Variants in TMEM94 observed in about 807,000 individuals in gnomAD.
TMEM94 encodes the protein ER Mg2+ ATPase.
TMEM94 carries 81 observed loss-of-function variants against 158.6 expected under a neutral mutation model. The observed-to-expected ratio is 0.51, with a 90% CI of 0.43 to 0.61. TMEM94 has a LOEUF of 0.61. Among genes scored for constraint, TMEM94 ranks in the 20% least tolerant of loss-of-function variants. TMEM94 has a pLI of 0.00. For synonymous variants in TMEM94, 751 were observed against 730.7 expected (o/e 1.03, Z -0.45); for missense variants, 1,435 against 1,762.0 (o/e 0.81, Z 3.32).
At chr17:75,497,885 G>A (rs551607835) in intron 27 of TMEM94, 23 bp downstream of exon 27, 2 of 1,599,386 alleles carry the variant, frequency 1.3e-6, no homozygotes, top group African/African-American at 1.3e-5. Flanking sequence ...GACCCTGTGA[G>A]CCTTGCAAGT....
Position 75,493,017 on chromosome 17 carries a change from A to G in TMEM94, c.2001A>G (p.Thr667=), listed in dbSNP as rs919705531. Residue 667 remains threonine (T), a synonymous_variant, in exon 16 of 32, where the codon ACA becomes ACG. Transcript: ENST00000314256. ...RLPSAETMKE[T]SLGRLSCVTK... ...CCAGTGCCGAGACAATGAAGGAGAC[A>G]TCGCTGGGGCGGCTCTCCTGTGTCA... 6.2e-7 allele frequency: 1 copy of G among 1,613,660 alleles called. No individual in the cohort carries two copies. The highest frequency in any genetic ancestry group is 1.7e-5 in the Admixed American group (1 of 60,008).
chr17:75,493,498 G>A lies in TMEM94; in HGVS notation c.2094G>A (p.Glu698=), dbSNP rs2052402911. 2 of 1,613,774 alleles carry A rather than the reference G, an allele frequency of 1.2e-6. No individual in the cohort carries two copies. Among genetic ancestry groups the A allele is most frequent in the Non-Finnish European group, 1.7e-6 (2 of 1,179,894 alleles). Residue 698 remains glutamate, a synonymous_variant, in exon 17 of 32, where the codon GAG becomes GAA. Transcript: ENST00000314256. ...TTGAACTCTCTCCCCCAGGCACAGAGCAGATGCTGTCCCATGGCACCGCTG... is the reference window on the plus strand; with the variant it reads ...TTGAACTCTCTCCCCCAGGCACAGAACAGATGCTGTCCCATGGCACCGCTG... ...LFIKDTTTST[E]QMLSHGTADV...
chr17:75,486,559 A>G (rs1275119975), intron 5 of TMEM94, 133 bp downstream of exon 5: 2 of 1,104,728 alleles, frequency 1.8e-6, no homozygotes, highest in Non-Finnish European at 2.6e-6. Flanking sequence ...TCATCTGGGG[A>G]GTTAGAAGGA....
chr17:75,491,980 A>G lies in TMEM94; in HGVS notation c.1596+80A>G, dbSNP rs2052241482. On this transcript the variant is annotated intron_variant, in intron 14 of 31. Transcript: ENST00000314256. This position sits in a 1 kb window ranked among gnomAD's most constrained non-coding sequence, Gnocchi z 5.1. ...GCCTCCCTGGCCAGCCTGGCCTCACAAGGTCTGAAAGAGCAGGCGTCTCTG... is the reference window on the plus strand; with the variant it reads ...GCCTCCCTGGCCAGCCTGGCCTCACGAGGTCTGAAAGAGCAGGCGTCTCTG... The G allele has an allele frequency of 1.5e-6, 2 of 1,379,296 alleles. No homozygotes were observed. The highest frequency in any genetic ancestry group is 2.9e-5 in the African/African-American group (2 of 69,310). 85.4% of individuals were successfully genotyped at this position (1,379,296 alleles called of 1,614,324 possible).
rs746608052 is a variant in TMEM94 at position 75,492,913 on chromosome 17, G to T, written c.1913-16G>T. On this transcript the variant is annotated splice_polypyrimidine_tract_variant and intron_variant, in intron 15 of 31. Coordinates refer to ENST00000314256, the MANE Select transcript of TMEM94 (RefSeq NM_014738.6). The surrounding 1 kb of genome is among the most constrained non-coding windows in gnomAD (Gnocchi z 4.4). ...TGCCAGGGCATGGCCCTAAGTTCCT[G>T]TTCCCCGCCCTGCAGGCTTCACTCC... 23 of 1,605,684 alleles carry T rather than the reference G, an allele frequency of 1.4e-5. No individual in the cohort carries two copies. Among genetic ancestry groups the T allele is most frequent in the Non-Finnish European group, 1.8e-5 (21 of 1,174,752 alleles).
rs777099728 is a variant in TMEM94, at chr17:75,489,486, G to A, written c.868-90G>A. On this transcript the variant is annotated intron_variant, in intron 8 of 31. Coordinates refer to ENST00000314256, the MANE Select transcript of TMEM94 (RefSeq NM_014738.6). This position sits in a 1 kb window ranked among gnomAD's most constrained non-coding sequence, Gnocchi z 5.0. ...ATGCAGAGGGTCCCAGAGTGAGCCA[G>A]CCTGTGGAGTAGCAAAGGAAGGGGA... 24 of 1,485,788 alleles carry A rather than the reference G, an allele frequency of 1.6e-5. No individual in the cohort carries two copies. Among genetic ancestry groups the A allele is most frequent in the Non-Finnish European group, 2.3e-5 (24 of 1,064,342 alleles). The allele number at this position is 1,485,788 out of a possible 1,614,324, so 92.0% of individuals were successfully genotyped here.
chr17:75,459,044 G>A (rs1318229549), intron 1 of TMEM94, among the ~76,000 whole-genome samples: 1 of 148,800 alleles, frequency 6.7e-6, no homozygotes, highest in African/African-American at 2.5e-5. Flanking sequence ...GCGACACAGC[G>A]AGACTCCGTC....
rs139670423 is a variant in TMEM94, at chr17:75,483,125, A to T, written c.25-2303A>T. On this transcript the variant is annotated intron_variant, in intron 2 of 31. Coordinates refer to ENST00000314256, the MANE Select transcript of TMEM94 (RefSeq NM_014738.6). ...CGTGATTCTCGCTGGGAAACACATC[A>T]AGTATGTGAACATGAGCTGAAGGGG... Among the ~76,000 whole-genome samples the T allele has an allele frequency of 1.9e-4, 29 of 152,320 alleles. No homozygotes were observed. The East Asian group carries it at 5.4e-3, about 28-fold the overall frequency.
chr17:75,498,550 C>G lies in TMEM94; in HGVS notation c.3733+12C>G, dbSNP rs199643246. 6.2e-7 allele frequency: 1 copy of G among 1,611,928 alleles called. No homozygotes were observed. The highest frequency in any genetic ancestry group is 8.5e-7 in the Non-Finnish European group (1 of 1,178,962). ...TGTCCTGCACACTGGTGAGAGGGCT[C>G]CCTGGGAGGGCGTGGATGATGGTGG... On this transcript the variant is annotated intron_variant, in intron 29 of 31. Coordinates refer to ENST00000314256, the MANE Select transcript of TMEM94 (RefSeq NM_014738.6). This position sits in a 1 kb window ranked among gnomAD's most constrained non-coding sequence, Gnocchi z 6.7.
At chr17:75,458,403 C>T (rs1161230963) in intron 1 of TMEM94, among the ~76,000 whole-genome samples, 2 of 152,086 alleles carry the variant, frequency 1.3e-5, no homozygotes, top group Non-Finnish European at 2.9e-5. Context: ...AAATTTAAAG[C>T]AATGGCACTA....
At chr17:75,466,633 A>G (rs959005370) in intron 1 of TMEM94, among the ~76,000 whole-genome samples, 1 of 152,074 alleles carries the variant, frequency 6.6e-6, no homozygotes, top group Admixed American at 6.6e-5. Context: ...CCTGGCCAAC[A>G]TGGTGAAACC....
At position 75,495,359 on chromosome 17, in the gene TMEM94, C is replaced by G. The variant is rs777194831; in HGVS notation, c.2804C>G (p.Thr935Arg). The G allele has an allele frequency of 1.2e-6, 2 of 1,613,904 alleles. No homozygotes were observed. Among genetic ancestry groups the G allele is most frequent in the African/African-American group, 2.7e-5 (2 of 75,040 alleles). ...GHSDLISFQPTDSDIPSFLED... is the reference protein window; with the variant it reads ...GHSDLISFQPRDSDIPSFLED... ...TCGGACCTCATCAGCTTCCAGCCTA[C>G]GGACAGCGACATCCCCAGCTTCCTG... Residue 935 changes from threonine to arginine, a missense_variant, in exon 21 of 32, where the codon ACG becomes AGG. By Grantham distance (71) the Thr-to-Arg change is moderately conservative. Coordinates refer to ENST00000314256, the MANE Select transcript of TMEM94 (RefSeq NM_014738.6). This position sits in a 1 kb window ranked among gnomAD's most constrained non-coding sequence, Gnocchi z 5.6.
At position 75,482,205 on chromosome 17, in the gene TMEM94, G is replaced by A. The variant is rs1056341116; in HGVS notation, c.25-3223G>A. ...TAAAATATAAAAAAAAATTAGCCGG[G>A]CGTGGCAGCATGTGCCTGTAGTCCC... On this transcript the variant is annotated intron_variant, in intron 2 of 31. Coordinates refer to ENST00000314256, the MANE Select transcript of TMEM94 (RefSeq NM_014738.6). Among the ~76,000 whole-genome samples the A allele has an allele frequency of 5.7e-4, 86 of 152,138 alleles. 5 individuals are homozygous for A. Among genetic ancestry groups the A allele is most frequent in the Non-Finnish European group, 7.4e-5 (5 of 68,020 alleles).
In TMEM94 at chr17:75,493,815, T is replaced by C; in HGVS notation, c.2306T>C (p.Leu769Pro). The C allele has an allele frequency of 2.5e-6, 4 of 1,613,892 alleles. No homozygotes were observed. The highest frequency in any genetic ancestry group is 3.4e-6 in the Non-Finnish European group (4 of 1,180,028). ...CAGCTCAATGGCAAGTGCATCGAGC[T>C]GGTACAGGTGCCCGGCCAAAGCAGC... Reference protein sequence around the residue: ...SSQLNGKCIELVQVPGQSSIF... With the variant: ...SSQLNGKCIEPVQVPGQSSIF... Residue 769 changes from leucine (L) to proline (P), a missense_variant, in exon 18 of 32, where the codon CTG becomes CCG. This residue lies in a region of TMEM94 where 1,051 missense variants were observed against 1,254.4 expected (regional missense o/e 0.84). Transcript: ENST00000314256.
chr17:75,468,434 A>C (rs1192382563), intron 1 of TMEM94, among the ~76,000 whole-genome samples: 1 of 152,162 alleles, frequency 6.6e-6, no homozygotes, highest in Non-Finnish European at 1.5e-5. Context: ...CAACGATCTC[A>C]TCCAGCCCCT....
At position 75,489,744 on chromosome 17, in the gene TMEM94, C is replaced by T; in HGVS notation, c.954+82C>T. The T allele has an allele frequency of 1.7e-6, 2 of 1,202,620 alleles. No homozygotes were observed. Among genetic ancestry groups the T allele is most frequent in the Non-Finnish European group, 1.2e-6 (1 of 816,118 alleles). The allele number at this position is 1,202,620 out of a possible 1,614,324, so 74.5% of individuals were successfully genotyped here. A position where few individuals can be genotyped will look rare whatever the true frequency, so the allele number is the denominator to read the frequency against. On this transcript the variant is annotated intron_variant, in intron 9 of 31. Transcript: ENST00000314256. This position sits in a 1 kb window ranked among gnomAD's most constrained non-coding sequence, Gnocchi z 5.0. ...TTCTCCTAGTACCCTGGCTGTCCCT[C>T]CCTCTCTGCAGCCCAGAGGTCCCCT...
At position 75,486,280 on chromosome 17, in the gene TMEM94, C is replaced by T. The variant is rs779794387; in HGVS notation, c.273-10C>T. On this transcript the variant is annotated splice_polypyrimidine_tract_variant and intron_variant, in intron 4 of 31. Transcript: ENST00000314256. ...TCCCTGTGGGTGCGGCCTCTCTTTC[C>T]TCCCACCAGCCGTGGGGTGGGGCTG... is the stretch of plus-strand genomic sequence containing the variant. 24 of 1,613,788 alleles carry T rather than the reference C, an allele frequency of 1.5e-5. No homozygotes were observed. In the African/African-American group the frequency reaches 2.1e-4, roughly 14 times the overall value.
At chr17:75,465,200 C>T (rs1326423453) in intron 1 of TMEM94, among the ~76,000 whole-genome samples, 1 of 151,924 alleles carries the variant, frequency 6.6e-6, no homozygotes, top group African/African-American at 2.4e-5. Context: ...TTTTGTAAGA[C>T]AGGGTCTTGC....
At chr17:75,486,545 C>T (rs1473855114) in intron 5 of TMEM94, 119 bp downstream of exon 5, 1 of 1,241,936 alleles carries the variant, frequency 8.1e-7, no homozygotes, top group African/African-American at 1.5e-5. Flanking sequence ...TGCAGGGGCT[C>T]TTGTCATCTG....
Sources: allele counts gnomAD v4.1 joint callset (sites outside exome capture counted in the v4.1 genomes callset), GRCh38; gene constraint gnomAD v4.1.1; regional missense constraint gnomAD v4.1.1; non-coding constraint Gnocchi (gnomAD v3.1); transcripts MANE v1.5; gene names NCBI Gene and HGNC (gene_info 2026-07-23, HGNC 2026-07-21).